The following ETV2 variants were observed in gnomAD, a reference collection of about 807,000 sequenced individuals.
The protein encoded by ETV2 is ETS translocation variant 2.
A neutral mutation model predicts 35.7 loss-of-function variants in ETV2; 34 were observed. That is an observed-to-expected ratio of 0.95 (90% confidence interval 0.72 to 1.27). ETV2 has a LOEUF of 1.27. Ranked by LOEUF, ETV2 falls within the 50% of genes most tolerant of loss-of-function variation. The pLI is 0.00. For synonymous variants in ETV2, 207 were observed against 203.9 expected (o/e 1.02, Z -0.13); for missense variants, 512 against 470.5 (o/e 1.09, Z -0.82).
In ETV2 at chr19:35,642,379, G is replaced by C. The variant is rs1967623371; in HGVS notation, c.-27-55G>C. On this transcript the variant is annotated intron_variant, in intron 1 of 6. Coordinates refer to ENST00000402764, the MANE Select transcript of ETV2 (RefSeq NM_014209.4). The surrounding 1 kb of genome is among the most constrained non-coding windows in gnomAD (Gnocchi z 4.4). ...AGCTAGGGCTGGGGCCCAGACTCCA[G>C]GGCCTCCAAGTGTCACCAGCTCACC... 1 of 934,898 alleles carries C rather than the reference G, an allele frequency of 1.1e-6. No homozygotes were observed. Among genetic ancestry groups the C allele is most frequent in the Admixed American group, 2.4e-5 (1 of 41,016 alleles). The allele number at this position is 934,898 out of a possible 1,614,324, so 57.9% of individuals were successfully genotyped here. A position where few individuals can be genotyped will look rare whatever the true frequency, so the allele number is the denominator to read the frequency against.
Position 35,643,113 on chromosome 19 carries a change from A to T in ETV2, c.235+68A>T. 1 of 1,372,550 alleles carries T rather than the reference A, an allele frequency of 7.3e-7. No individual in the cohort carries two copies. The highest frequency in any genetic ancestry group is 1.0e-6 in the Non-Finnish European group (1 of 997,344). 85.0% of individuals were successfully genotyped at this position (1,372,550 alleles called of 1,614,324 possible). The stretch of plus-strand genomic sequence containing the variant: ...CGAGGCACCGGGGCTAGAGGTGTAG[A>T]CTCCCTGATCTTTGAGGACTGAGAA... On this transcript the variant is annotated intron_variant, in intron 4 of 6. Coordinates refer to ENST00000402764, the MANE Select transcript of ETV2 (RefSeq NM_014209.4). This position sits in a 1 kb window ranked among gnomAD's most constrained non-coding sequence, Gnocchi z 5.0.
At position 35,642,883 on chromosome 19, in the gene ETV2, C is replaced by T; in HGVS notation, c.155-82C>T. The T allele has an allele frequency of 9.8e-7, 1 of 1,023,760 alleles. No individual in the cohort carries two copies. The highest frequency in any genetic ancestry group is 1.5e-6 in the Non-Finnish European group (1 of 669,676). The allele number at this position is 1,023,760 out of a possible 1,614,324, so 63.4% of individuals were successfully genotyped here. On this transcript the variant is annotated intron_variant, in intron 3 of 6. Coordinates refer to ENST00000402764, the MANE Select transcript of ETV2 (RefSeq NM_014209.4). This position sits in a 1 kb window ranked among gnomAD's most constrained non-coding sequence, Gnocchi z 4.4. ...TGAAATACGGGCTGGGGGGCCATAA[C>T]TCCCAGTCCCTGACAAGTAGAGACT... is the stretch of plus-strand genomic sequence containing the variant.
rs2146359512 is a variant in ETV2 at position 35,642,104 on chromosome 19, T to G, written c.-80T>G. 1.8e-5 allele frequency: 3 copies of G among 166,562 alleles called. No individual in the cohort carries two copies. Among genetic ancestry groups the G allele is most frequent in the Non-Finnish European group, 1.3e-5 (1 of 77,674 alleles). The allele number at this position is 166,562 out of a possible 1,614,324, so 10.3% of individuals were successfully genotyped here. A position where few individuals can be genotyped will look rare whatever the true frequency, so the allele number is the denominator to read the frequency against. On this transcript the variant is annotated 5_prime_UTR_variant, in exon 1 of 7. It removes an upstream start codon present in the reference 5' UTR. Coordinates refer to ENST00000402764, the MANE Select transcript of ETV2 (RefSeq NM_014209.4). This position sits in a 1 kb window ranked among gnomAD's most constrained non-coding sequence, Gnocchi z 4.4. Reference sequence around the variant, plus strand: ...CCAGGCCCTTGGGGGAGGGGGTGCATGGTATGAAATGGGGCTGAGACCCCC... The same window carrying G: ...CCAGGCCCTTGGGGGAGGGGGTGCAGGGTATGAAATGGGGCTGAGACCCCC...
chr19:35,643,597 G>A lies in ETV2; in HGVS notation c.559G>A (p.Gly187Ser), dbSNP rs1297162253. Residue 187 changes from glycine to serine, a missense_variant, in exon 5 of 7, where the codon GGC becomes AGC. Physicochemically the swap from Gly to Ser is moderately conservative, Grantham distance 56. Coordinates refer to ENST00000402764, the MANE Select transcript of ETV2 (RefSeq NM_014209.4). This position sits in a 1 kb window ranked among gnomAD's most constrained non-coding sequence, Gnocchi z 5.0. Reference sequence around the variant, plus strand: ...TACCATTTCGTGGGGCGGGCCCGCGGGCCCGGACTGTACCACCTCCTGGAA... The same window carrying A: ...TACCATTTCGTGGGGCGGGCCCGCGAGCCCGGACTGTACCACCTCCTGGAA... ...DCTISWGGPA[G>S]PDCTTSWNPG... The A allele has an allele frequency of 6.2e-7, 1 of 1,600,086 alleles. No individual in the cohort carries two copies. The highest frequency in any genetic ancestry group is 1.8e-5 in the Admixed American group (1 of 56,984).
rs1967694843 is a variant in ETV2 at position 35,643,889 on chromosome 19, C to T, written c.715+136C>T. On this transcript the variant is annotated intron_variant, in intron 5 of 6. Coordinates refer to ENST00000402764, the MANE Select transcript of ETV2 (RefSeq NM_014209.4). The surrounding 1 kb of genome is among the most constrained non-coding windows in gnomAD (Gnocchi z 5.0). ...AGGGACCAGGGGCTCGAAGGAGGGG[C>T]CGGTGGCCCGCACTCCAGGTCCTTG... 3.1e-6 allele frequency: 4 copies of T among 1,282,172 alleles called. No individual in the cohort carries two copies. The African/African-American group carries it at 4.5e-5, about 14-fold the overall frequency. 79.4% of individuals were successfully genotyped at this position (1,282,172 alleles called of 1,614,324 possible).
At position 35,644,539 on chromosome 19, in the gene ETV2, G is replaced by T. The variant is rs559325672; in HGVS notation, c.829-113G>T. The T allele has an allele frequency of 4.7e-6, 5 of 1,074,614 alleles. No individual in the cohort carries two copies. The highest frequency in any genetic ancestry group is 6.7e-6 in the Non-Finnish European group (5 of 751,214). 66.6% of individuals were successfully genotyped at this position (1,074,614 alleles called of 1,614,324 possible). On this transcript the variant is annotated intron_variant, in intron 6 of 6. Coordinates refer to ENST00000402764, the MANE Select transcript of ETV2 (RefSeq NM_014209.4). This position sits in a 1 kb window ranked among gnomAD's most constrained non-coding sequence, Gnocchi z 4.7. Reference sequence around the variant, plus strand: ...CCTCAACCAACCCAGTCTCCACCGGGCTCTGCGAGGCCTCGCCCAGGTCTG... The same window carrying T: ...CCTCAACCAACCCAGTCTCCACCGGTCTCTGCGAGGCCTCGCCCAGGTCTG...
rs1967689384 is a variant in ETV2, at chr19:35,643,760, G to A, written c.715+7G>A. 6 of 1,613,380 alleles carry A rather than the reference G, an allele frequency of 3.7e-6. No homozygotes were observed. Among genetic ancestry groups the A allele is most frequent in the Non-Finnish European group, 5.1e-6 (6 of 1,179,782 alleles). On this transcript the variant is annotated splice_region_variant and intron_variant, in intron 5 of 6. Coordinates refer to ENST00000402764, the MANE Select transcript of ETV2 (RefSeq NM_014209.4). The surrounding 1 kb of genome is among the most constrained non-coding windows in gnomAD (Gnocchi z 5.0). ...CCCAAAACTAACCACCGAGGTGAGA[G>A]GGCCGCAAAGACTGCGGGGAGGGCG...
Position 35,644,551 on chromosome 19 carries a change from C to T in ETV2, c.829-101C>T. The T allele has an allele frequency of 8.3e-7, 1 of 1,210,562 alleles. No homozygotes were observed. The highest frequency in any genetic ancestry group is 1.1e-6 in the Non-Finnish European group (1 of 874,414). The allele number at this position is 1,210,562 out of a possible 1,614,324, so 75.0% of individuals were successfully genotyped here. A position where few individuals can be genotyped will look rare whatever the true frequency, so the allele number is the denominator to read the frequency against. On this transcript the variant is annotated intron_variant, in intron 6 of 6. Coordinates refer to ENST00000402764, the MANE Select transcript of ETV2 (RefSeq NM_014209.4). The surrounding 1 kb of genome is among the most constrained non-coding windows in gnomAD (Gnocchi z 4.7). ...CAGTCTCCACCGGGCTCTGCGAGGC[C>T]TCGCCCAGGTCTGCACTGCACACCG... is the stretch of plus-strand genomic sequence containing the variant.
rs1375708342 is a variant in ETV2 at position 35,644,715 on chromosome 19, G to A, written c.892G>A (p.Gly298Ser). The A allele has an allele frequency of 6.2e-7, 1 of 1,605,642 alleles. No individual in the cohort carries two copies. The highest frequency in any genetic ancestry group is 8.5e-7 in the Non-Finnish European group (1 of 1,175,428). Residue 298 changes from glycine to serine, a missense_variant, in exon 7 of 7, where the codon GGC (glycine) becomes AGC (serine). Transcript: ENST00000402764. The surrounding 1 kb of genome is among the most constrained non-coding windows in gnomAD (Gnocchi z 4.7). ...CATGAATTACGAGAAGCTGAGCCGG[G>A]GCCTTCGCTACTACTATCGCCGCGA... is the stretch of plus-strand genomic sequence containing the variant. Reference protein sequence around the residue: ...PGMNYEKLSRGLRYYYRRDIV... With the variant: ...PGMNYEKLSRSLRYYYRRDIV...
chr19:35,644,456 G>A lies in ETV2; in HGVS notation c.828+109G>A, dbSNP rs529178680. ...GTAGCCCTCGGCCCCGCCGCTCCCC[G>A]GCCCACTCGAGGCCCCGCCCAACCC... On this transcript the variant is annotated intron_variant, in intron 6 of 6. Coordinates refer to ENST00000402764, the MANE Select transcript of ETV2 (RefSeq NM_014209.4). The surrounding 1 kb of genome is among the most constrained non-coding windows in gnomAD (Gnocchi z 4.7). The A allele has an allele frequency of 9.5e-6, 9 of 947,052 alleles. No individual in the cohort carries two copies. In the East Asian group the frequency reaches 1.8e-4, roughly 19 times the overall value. 58.7% of individuals were successfully genotyped at this position (947,052 alleles called of 1,614,324 possible).
chr19:35,643,011 C>T lies in ETV2; in HGVS notation c.201C>T (p.Ser67=). The change falls in exon 4 of 7, where the codon TCC becomes TCT. Residue 67 remains serine, a synonymous_variant. Transcript: ENST00000402764. This position sits in a 1 kb window ranked among gnomAD's most constrained non-coding sequence, Gnocchi z 5.0. ...GCTTCCCACAGCTGGACTGGGGCTC[C>T]GCGTTACTGCACCCAGAAGTTCCAT... is the stretch of plus-strand genomic sequence containing the variant. ...LASFPQLDWG[S]ALLHPEVPWG... is the part of the protein sequence containing the mutation. 6.4e-7 allele frequency: 1 copy of T among 1,573,364 alleles called. No individual in the cohort carries two copies. The highest frequency in any genetic ancestry group is 8.6e-7 in the Non-Finnish European group (1 of 1,158,468).
In ETV2 at chr19:35,644,113, G is replaced by C. The variant is rs576681865; in HGVS notation, c.716-122G>C. ...GGCTGACTGTTGGATCTCAGAGAAG[G>C]GGGGGCGGATCCCCTTCTCGGGTCC... On this transcript the variant is annotated intron_variant, in intron 5 of 6. Transcript: ENST00000402764. This position sits in a 1 kb window ranked among gnomAD's most constrained non-coding sequence, Gnocchi z 4.7. The C allele has an allele frequency of 3.4e-5, 25 of 730,002 alleles. No individual in the cohort carries two copies. The highest frequency in any genetic ancestry group is 1.2e-4 in the African/African-American group (7 of 57,720). 45.2% of individuals were successfully genotyped at this position (730,002 alleles called of 1,614,324 possible). A position where few individuals can be genotyped will look rare whatever the true frequency, so the allele number is the denominator to read the frequency against.
rs1186206503 is a variant in ETV2 at position 35,643,972 on chromosome 19, G to C, written c.715+219G>C. Among the ~76,000 whole-genome samples the C allele has an allele frequency of 6.6e-6, 1 of 152,172 alleles. No individual in the cohort carries two copies. The highest frequency in any genetic ancestry group is 2.4e-5 in the African/African-American group (1 of 41,450). On this transcript the variant is annotated intron_variant, in intron 5 of 6. Transcript: ENST00000402764. The surrounding 1 kb of genome is among the most constrained non-coding windows in gnomAD (Gnocchi z 5.0). ...TAGGGACCAAGGGGATGAGGACCCA[G>C]GCTCCTGGATTATATAAAACGAAAG...
rs1395687187 is a variant in ETV2, at chr19:35,643,582, T to A, written c.544T>A (p.Trp182Arg). 2.5e-6 allele frequency: 4 copies of A among 1,585,758 alleles called. No homozygotes were observed. In the Admixed American group the frequency reaches 5.5e-5, roughly 22 times the overall value. The stretch of plus-strand genomic sequence containing the variant: ...GCCGCGCACGGACTGTACCATTTCG[T>A]GGGGCGGGCCCGCGGGCCCGGACTG... ...GEPRTDCTIS[W>R]GGPAGPDCTT... The change falls in exon 5 of 7, where the codon TGG becomes AGG. Residue 182 changes from tryptophan to arginine, a missense_variant. Trp to Arg is a moderately radical substitution (Grantham distance 101). Transcript: ENST00000402764. This position sits in a 1 kb window ranked among gnomAD's most constrained non-coding sequence, Gnocchi z 5.0.
chr19:35,644,047 T>C lies in ETV2; in HGVS notation c.716-188T>C, dbSNP rs775438920. 3.3e-5 allele frequency among the ~76,000 whole-genome samples: 5 copies of C among 152,076 alleles called. No homozygotes were observed. Among genetic ancestry groups the C allele is most frequent in the African/African-American group, 9.7e-5 (4 of 41,438 alleles). ...CTCCGAGATGGGGAGGCCAAACTCC[T>C]AAATCTCTGAGACTGGGGCCCTGGA... On this transcript the variant is annotated intron_variant, in intron 5 of 6. Coordinates refer to ENST00000402764, the MANE Select transcript of ETV2 (RefSeq NM_014209.4). The surrounding 1 kb of genome is among the most constrained non-coding windows in gnomAD (Gnocchi z 4.7).
chr19:35,642,490 C>G lies in ETV2; in HGVS notation c.30C>G (p.Ser10=). The part of the protein sequence containing the change: MDLWNWDEA[S]PQEVPPGNKL... ...ACCTGTGGAACTGGGATGAGGCATC[C>G]CCACAGGAAGTGCCTCCAGGGAACA... The change falls in exon 2 of 7, where the codon TCC becomes TCG. Residue 10 remains serine (S), a synonymous_variant. Transcript: ENST00000402764. The surrounding 1 kb of genome is among the most constrained non-coding windows in gnomAD (Gnocchi z 4.4). 6.2e-7 allele frequency: 1 copy of G among 1,609,368 alleles called. No homozygotes were observed. The highest frequency in any genetic ancestry group is 8.5e-7 in the Non-Finnish European group (1 of 1,177,330).
In ETV2 at chr19:35,644,712, C is replaced by G. The variant is rs1414488137; in HGVS notation, c.889C>G (p.Arg297Gly). 6.2e-7 allele frequency: 1 copy of G among 1,604,820 alleles called. No homozygotes were observed. The highest frequency in any genetic ancestry group is 1.1e-5 in the South Asian group (1 of 89,704). The change falls in exon 7 of 7, where the codon CGG becomes GGG. Residue 297 changes from arginine (R) to glycine (G), a missense_variant. Coordinates refer to ENST00000402764, the MANE Select transcript of ETV2 (RefSeq NM_014209.4). The surrounding 1 kb of genome is among the most constrained non-coding windows in gnomAD (Gnocchi z 4.7). ...KPGMNYEKLS[R>G]GLRYYYRRDI... ...GGGCATGAATTACGAGAAGCTGAGC[C>G]GGGGCCTTCGCTACTACTATCGCCG...
chr19:35,644,632 C>T lies in ETV2; in HGVS notation c.829-20C>T, dbSNP rs765942147. 1.0e-5 allele frequency: 16 copies of T among 1,599,286 alleles called. No individual in the cohort carries two copies. Among genetic ancestry groups the T allele is most frequent in the Non-Finnish European group, 1.4e-5 (16 of 1,172,162 alleles). On this transcript the variant is annotated intron_variant, in intron 6 of 6. Transcript: ENST00000402764. This position sits in a 1 kb window ranked among gnomAD's most constrained non-coding sequence, Gnocchi z 4.7. ...AAGCCCCGCCCCTTCCCACTCCGAC[C>T]GAGCGGGCCTCTGTCCTAGGTGGCT...
Position 35,643,403 on chromosome 19 carries a change from C to T in ETV2, c.365C>T (p.Ala122Val). The T allele has an allele frequency of 6.5e-7, 1 of 1,546,070 alleles. No homozygotes were observed. The highest frequency in any genetic ancestry group is 1.2e-5 in the South Asian group (1 of 84,012). ...CTCGGCCCGGGCCCCATCCCCGCCG[C>T]CGGCTCCGAAGGCGCCGCGGGCCAG... Reference protein sequence around the residue: ...APLGPGPIPAAGSEGAAGQNC... With the variant: ...APLGPGPIPAVGSEGAAGQNC... The change falls in exon 5 of 7, where the codon GCC (alanine) becomes GTC (valine). Residue 122 changes from alanine (A) to valine (V), a missense_variant. Transcript: ENST00000402764. The surrounding 1 kb of genome is among the most constrained non-coding windows in gnomAD (Gnocchi z 5.0).
Sources: allele counts gnomAD v4.1 joint callset (sites outside exome capture counted in the v4.1 genomes callset), GRCh38; gene constraint gnomAD v4.1.1; non-coding constraint Gnocchi (gnomAD v3.1); transcripts MANE v1.5; gene names NCBI Gene and HGNC (gene_info 2026-07-23, HGNC 2026-07-21).